Variants in INF2 observed in about 807,000 individuals in gnomAD.
INF2 encodes the protein inverted formin-2.
A neutral mutation model predicts 123.5 loss-of-function variants in INF2; 43 were observed. The observed-to-expected ratio is 0.35, with a 90% CI of 0.27 to 0.45. The LOEUF is 0.45. Among genes scored for constraint, INF2 ranks in the 20% least tolerant of loss-of-function variants. The pLI, the probability that INF2 is intolerant of heterozygous loss-of-function variation, is 1.00. For missense variants in INF2, 1,453 were observed against 1,682.7 expected (o/e 0.86, Z 2.39); for synonymous variants, 851 against 745.0 (o/e 1.14, Z -2.32).
At position 104,707,855 on chromosome 14, in the gene INF2, G is replaced by T; in HGVS notation, c.1588G>T (p.Val530Leu). The change falls in exon 8 of 23, where the codon GTG becomes TTG. Residue 530 changes from valine (V) to leucine (L), a missense_variant. Transcript: ENST00000392634. ...PLLPCTCSPP[V>L]AGGMEEVIVA... is the part of the protein sequence containing the mutation. ...ACTGCCCTGCACCTGCAGCCCCCCC[G>T]TGGCGGGAGGCATGGAGGAGGTCAT... is the stretch of plus-strand genomic sequence containing the variant. 1 of 1,468,366 alleles carries T rather than the reference G, an allele frequency of 6.8e-7. No homozygotes were observed. The highest frequency in any genetic ancestry group is 9.1e-7 in the Non-Finnish European group (1 of 1,094,306). 91.0% of individuals were successfully genotyped at this position (1,468,366 alleles called of 1,614,324 possible). A position where few individuals can be genotyped will look rare whatever the true frequency, so the allele number is the denominator to read the frequency against.
At chr14:104,708,050 T>C (rs752613783) in intron 8 of INF2, 48 bp downstream of exon 8, 1 of 1,597,204 alleles carries the variant, frequency 6.3e-7, no homozygotes, top group South Asian at 1.1e-5. Context: ...GGACGGGGGC[T>C]GGTCTCTGCT....
In INF2 at chr14:104,684,522, A is replaced by G. The variant is rs1470331159; in HGVS notation, c.-104+2940A>G. 5.9e-6 allele frequency: 1 copy of G among 169,910 alleles called. No individual in the cohort carries two copies. Among genetic ancestry groups the G allele is most frequent in the Non-Finnish European group, 1.3e-5 (1 of 79,274 alleles). 10.5% of individuals were successfully genotyped at this position (169,910 alleles called of 1,614,324 possible). A position where few individuals can be genotyped will look rare whatever the true frequency, so the allele number is the denominator to read the frequency against. The stretch of plus-strand genomic sequence containing the variant: ...GTTGACATTTACACGCAATCCTAGA[A>G]TGACGGCTCTATGGTGGCAGAGAGG... On this transcript the variant is annotated intron_variant, in intron 1 of 2. Coordinates refer to the INF2 transcript ENST00000674723. The surrounding 1 kb of genome is among the most constrained non-coding windows in gnomAD (Gnocchi z 5.0).
rs142139206 is a variant in INF2 at position 104,715,482 on chromosome 14, C to T, written c.*1+142C>T. 1.4e-3 allele frequency: 1,110 copies of T among 812,568 alleles called. 11 individuals carry two copies. The African/African-American group carries it at 0.014, about 10-fold the overall frequency. 50.3% of individuals were successfully genotyped at this position (812,568 alleles called of 1,614,324 possible). A position where few individuals can be genotyped will look rare whatever the true frequency, so the allele number is the denominator to read the frequency against. On this transcript the variant is annotated intron_variant, in intron 22 of 22. Transcript: ENST00000392634. ...TGCGTCAGTGTGGCCTTGCCGCTCCCGCAGCCCTGGTGGTGGGCTTCCCGC... is the reference window on the plus strand; with the variant it reads ...TGCGTCAGTGTGGCCTTGCCGCTCCTGCAGCCCTGGTGGTGGGCTTCCCGC...
rs1363011877 is a variant in INF2 at position 104,707,780 on chromosome 14, C to T, written c.1513C>T (p.Pro505Ser). 7.2e-7 allele frequency: 1 copy of T among 1,391,182 alleles called. No homozygotes were observed. The highest frequency in any genetic ancestry group is 2.0e-5 in the Admixed American group (1 of 50,826). 86.2% of individuals were successfully genotyped at this position (1,391,182 alleles called of 1,614,324 possible). A position where few individuals can be genotyped will look rare whatever the true frequency, so the allele number is the denominator to read the frequency against. ...PGLGCPPPPP[P>S]LLPGMGWGPP... ...CTTGGGATGCCCGCCCCCACCCCCA[C>T]CCCTGCTGCCTGGTATGGGCTGGGG... The change falls in exon 8 of 23, where the codon CCC becomes TCC. Residue 505 changes from proline (P) to serine (S), a missense_variant. Pro to Ser is a moderately conservative substitution (Grantham distance 74). Coordinates refer to ENST00000392634, the MANE Select transcript of INF2 (RefSeq NM_022489.4).
At chr14:104,695,110 C>G (rs1345917915) in intron 1 of INF2, among the ~76,000 whole-genome samples, 1 of 152,138 alleles carries the variant, frequency 6.6e-6, no homozygotes, top group Non-Finnish European at 1.5e-5. Flanking sequence ...GCCACCTGCC[C>G]TCATTGCCCA....
chr14:104,689,629 C>A lies in INF2; in HGVS notation c.-120C>A. ...CCCGCCCCGCGCCCGCCAGGAGCCACCGTCCGAGCCTTGCGGAGCGCGGCA... is the reference window on the plus strand; with the variant it reads ...CCCGCCCCGCGCCCGCCAGGAGCCAACGTCCGAGCCTTGCGGAGCGCGGCA... On this transcript the variant is annotated 5_prime_UTR_variant, in exon 1 of 23. Transcript: ENST00000392634. The A allele has an allele frequency of 1.1e-6, 1 of 931,720 alleles. No individual in the cohort carries two copies. The highest frequency in any genetic ancestry group is 1.3e-6 in the Non-Finnish European group (1 of 781,448). The allele number at this position is 931,720 out of a possible 1,614,324, so 57.7% of individuals were successfully genotyped here. A position where few individuals can be genotyped will look rare whatever the true frequency, so the allele number is the denominator to read the frequency against.
intron 1 of INF2, chr14:104,700,758 C>G: frequency 1.3e-6 from 1 of 774,406 alleles, no homozygotes; most frequent in Non-Finnish European, 1.6e-6. Context: ...GGTGTGGGCC[C>G]CCTACCCACA....
chr14:104,688,595 G>A (rs562033292), upstream of INF2, among the ~76,000 whole-genome samples: 46 of 152,278 alleles, frequency 3.0e-4, no homozygotes, highest in South Asian at 8.7e-3. Flanking sequence ...TTTTACAGAT[G>A]GGGAAACTGA....
At chr14:104,696,058 G>A (rs557201358) in intron 1 of INF2, among the ~76,000 whole-genome samples, 28 of 151,984 alleles carry the variant, frequency 1.8e-4, no homozygotes, top group Non-Finnish European at 2.9e-4. Context: ...CGGTGGTATC[G>A]CACCCACCAT....
chr14:104,707,595 CA>C lies in INF2; in HGVS notation c.1329del (p.Leu446CysfsTer112). 3.6e-6 allele frequency: 4 copies of C among 1,104,852 alleles called. No homozygotes were observed. Among genetic ancestry groups the C allele is most frequent in the Middle Eastern group, 3.2e-4 (1 of 3,156 alleles). 68.4% of individuals were successfully genotyped at this position (1,104,852 alleles called of 1,614,324 possible). A position where few individuals can be genotyped will look rare whatever the true frequency, so the allele number is the denominator to read the frequency against. On this transcript the variant is annotated frameshift_variant, in exon 8 of 23. Transcript: ENST00000392634. LOFTEE classifies it high-confidence loss of function. ...SSAEPPPPPP[P>X]PPLPSVGAKA... ...GCCGAGCCCCCTCCCCCTCCCCCAC[CA>C]CCCCCCCTGCCCAGTGTGGGGGCTA... is the stretch of plus-strand genomic sequence containing the variant.
At chr14:104,695,085 G>A (rs1444002069) in intron 1 of INF2, among the ~76,000 whole-genome samples, 2 of 152,122 alleles carry the variant, frequency 1.3e-5, no homozygotes, top group Non-Finnish European at 2.9e-5. Context: ...GGAGGATTCT[G>A]GTGACGAGCT....
chr14:104,692,153 G>C (rs1888982921), intron 1 of INF2, among the ~76,000 whole-genome samples: 1 of 152,322 alleles, frequency 6.6e-6, no homozygotes, highest in Admixed American at 6.5e-5. Context: ...TGTGTGCTGG[G>C]TGAGTGGGTG....
rs1488709937 is a variant in INF2, at chr14:104,719,783, T to G, written c.*990T>G. 2 of 152,020 alleles carry G rather than the reference T, an allele frequency of 1.3e-5. No individual in the cohort carries two copies. Among genetic ancestry groups the G allele is most frequent in the Non-Finnish European group, 2.9e-5 (2 of 68,012 alleles). The allele number at this position is 152,020 out of a possible 1,614,324, so 9.4% of individuals were successfully genotyped here. ...TGGGCCCCCAGGCACCGTGTGAGCATTCACTGTTGAGGGTCCCCCAGTCCC... is the reference window on the plus strand; with the variant it reads ...TGGGCCCCCAGGCACCGTGTGAGCAGTCACTGTTGAGGGTCCCCCAGTCCC... On this transcript the variant is annotated 3_prime_UTR_variant, in exon 23 of 23. Coordinates refer to ENST00000392634, the MANE Select transcript of INF2 (RefSeq NM_022489.4).
rs1375068781 is a variant in INF2 at position 104,684,067 on chromosome 14, A to C, written c.-104+2485A>C. On this transcript the variant is annotated intron_variant, in intron 1 of 2. Transcript: ENST00000674723. This position sits in a 1 kb window ranked among gnomAD's most constrained non-coding sequence, Gnocchi z 5.0. ...AGTGTCTTCTCACCTCGTTAGGTGGAGAACCCCTTCTTTAAGCAAAAGATG... is the reference window on the plus strand; with the variant it reads ...AGTGTCTTCTCACCTCGTTAGGTGGCGAACCCCTTCTTTAAGCAAAAGATG... The C allele has an allele frequency of 1.8e-5, 8 of 455,870 alleles. No individual in the cohort carries two copies. The highest frequency in any genetic ancestry group is 3.5e-5 in the Non-Finnish European group (8 of 226,762). The allele number at this position is 455,870 out of a possible 1,614,324, so 28.2% of individuals were successfully genotyped here.
Position 104,710,143 on chromosome 14 carries a change from G to T in INF2, c.2194G>T (p.Asp732Tyr). 2 of 1,553,284 alleles carry T rather than the reference G, an allele frequency of 1.3e-6. No homozygotes were observed. The highest frequency in any genetic ancestry group is 1.7e-6 in the Non-Finnish European group (2 of 1,149,152). Residue 732 changes from aspartate to tyrosine, a missense_variant, in exon 13 of 23, where the codon GAC becomes TAC. By Grantham distance (160) the Asp-to-Tyr change is radical (BLOSUM62 -3). Coordinates refer to ENST00000392634, the MANE Select transcript of INF2 (RefSeq NM_022489.4). The stretch of plus-strand genomic sequence containing the variant: ...GTGTGAGGGCGCGGCCGCCGTGCTG[G>T]ACATGGTGCGGCCCAAGGCCCAGCT... ...LLCEGAAAVL[D>Y]MVRPKAQLVL...
At position 104,714,472 on chromosome 14, in the gene INF2, A is replaced by G. The variant is rs1566786314; in HGVS notation, c.3310A>G (p.Thr1104Ala). The G allele has an allele frequency of 6.2e-7, 1 of 1,612,432 alleles. No individual in the cohort carries two copies. The highest frequency in any genetic ancestry group is 1.3e-5 in the African/African-American group (1 of 74,996). Residue 1104 changes from threonine to alanine, a missense_variant, in exon 21 of 23, where the codon ACT becomes GCT. Thr to Ala is a moderately conservative substitution (Grantham distance 58). Transcript: ENST00000392634. Reference protein sequence around the residue: ...PQPLEGAWPVTLGDAQALKPL... With the variant: ...PQPLEGAWPVALGDAQALKPL... ...GCCCTTGGAGGGGGCCTGGCCGGTG[A>G]CTCTGGGAGATGCTCAGGCCCTGAA...
intron 1 of INF2, chr14:104,683,958 C>T (rs1888597376): frequency 2.3e-6 from 1 of 441,560 alleles, no homozygotes; most frequent in African/African-American, 2.0e-5. Context: ...AGGCACTTCC[C>T]TGCTCTCAAA....
At position 104,707,355 on chromosome 14, in the gene INF2, A is replaced by G; in HGVS notation, c.1088A>G (p.Asn363Ser). 1 of 1,598,442 alleles carries G rather than the reference A, an allele frequency of 6.3e-7. No homozygotes were observed. Among genetic ancestry groups the G allele is most frequent in the Non-Finnish European group, 8.5e-7 (1 of 1,173,566 alleles). The change falls in exon 8 of 23, where the codon AAC (asparagine) becomes AGC (serine). Residue 363 changes from asparagine (N) to serine (S), a missense_variant. By Grantham distance (46) the Asn-to-Ser change is conservative. Coordinates refer to ENST00000392634, the MANE Select transcript of INF2 (RefSeq NM_022489.4). ...AAGGCCCATAAAAGCGTCCAGGCCA[A>G]CCTAGACCAGAGCCAGAGGGGCAGC... ...LVKAHKSVQA[N>S]LDQSQRGSSP...
At chr14:104,714,929 C>T (rs890606128) in intron 21 of INF2, 73 bp downstream of exon 21, 2 of 1,414,252 alleles carry the variant, frequency 1.4e-6, no homozygotes, top group African/African-American at 2.9e-5. Context: ...TCCCCTTCCC[C>T]ATTGGGCACT....
Sources: gnomAD v4.1 joint callset for allele counts (sites outside exome capture counted in the v4.1 genomes callset) on GRCh38, gnomAD v4.1.1 for gene constraint, Gnocchi (gnomAD v3.1) non-coding constraint, MANE v1.5 for transcripts, NCBI Gene and HGNC (gene_info 2026-07-23, HGNC 2026-07-21) for gene names.